The following SPAST variants were observed in gnomAD, a reference collection of about 807,000 sequenced individuals.
SPAST encodes spastic paraplegia 4 (autosomal dominant; spastin).
A neutral mutation model predicts 76.6 loss-of-function variants in SPAST; 30 were observed. The ratio of observed to expected loss-of-function variants is 0.39; its 90% CI spans 0.29 to 0.53. The LOEUF (loss-of-function observed/expected upper bound fraction) is 0.53, where lower values mean the gene tolerates loss of function less well. Among genes scored for constraint, SPAST ranks in the 20% least tolerant of loss-of-function variants. The pLI, the probability that SPAST is intolerant of heterozygous loss-of-function variation, is 0.68. For missense variants in SPAST, 717 were observed against 770.5 expected (o/e 0.93, Z 0.82); for synonymous variants, 305 against 281.0 (o/e 1.09, Z -0.86).
chr2:32,094,312 G>C (rs1230770224), intron 3 of SPAST, among the ~76,000 whole-genome samples: 3 of 151,924 alleles, frequency 2.0e-5, no homozygotes, highest in African/African-American at 4.8e-5. Flanking sequence ...TCTGCCTCCC[G>C]GGTTCAAGCG....
At position 32,098,348 on chromosome 2, in the gene SPAST, A is replaced by G. The variant is rs147517340; in HGVS notation, c.587-448A>G. Reference sequence around the variant, plus strand: ...ATAGTGGTGTCTGTATGTAGTGTCAACTACTCAGGAGACTGAGGCAGAAGG... The same window carrying G: ...ATAGTGGTGTCTGTATGTAGTGTCAGCTACTCAGGAGACTGAGGCAGAAGG... On this transcript the variant is annotated intron_variant, in intron 3 of 16. Transcript: ENST00000315285. 8.5e-5 allele frequency among the ~76,000 whole-genome samples: 13 copies of G among 152,228 alleles called. No individual in the cohort carries two copies. In the East Asian group the frequency reaches 1.9e-3, roughly 23 times the overall value.
intron 7 of SPAST, among the ~76,000 whole-genome samples, chr2:32,120,906 C>T (rs1320095714): frequency 6.6e-6 from 1 of 152,052 alleles, no homozygotes; most frequent in Non-Finnish European, 1.5e-5. Flanking sequence ...GACTGGATGT[C>T]AAGATTTAAG....
chr2:32,142,700 A>G (rs902261725), intron 13 of SPAST, among the ~76,000 whole-genome samples: 1 of 152,146 alleles, frequency 6.6e-6, no homozygotes. Flanking sequence ...CCGGCCAGAA[A>G]TCGAAAATTT....
At chr2:32,091,245 C>CTATTATTAT (rs139735937) in intron 3 of SPAST, among the ~76,000 whole-genome samples, 47 of 126,892 alleles carry the variant, frequency 3.7e-4, no homozygotes, top group East Asian at 7.3e-4. Context: ...TAATATGAAG[C>CTATTATTAT]TATTATTATT....
At chr2:32,145,740 T>A (rs1679864415) in intron 15 of SPAST, among the ~76,000 whole-genome samples, 1 of 152,196 alleles carries the variant, frequency 6.6e-6, no homozygotes, top group Non-Finnish European at 1.5e-5. Context: ...CACGACCAAT[T>A]CTTTTTAGGT....
At chr2:32,066,646 C>A (rs1421754858) in intron 1 of SPAST, among the ~76,000 whole-genome samples, 1 of 150,790 alleles carries the variant, frequency 6.6e-6, no homozygotes, top group African/African-American at 2.4e-5. Context: ...CCAGCCTGGG[C>A]GGCAGAGCAA....
chr2:32,091,956 C>T (rs575161008), intron 3 of SPAST, among the ~76,000 whole-genome samples: 1 of 152,082 alleles, frequency 6.6e-6, no homozygotes, highest in East Asian at 1.9e-4. Flanking sequence ...ATATTTTTGA[C>T]CATTGAATTA....
chr2:32,066,013 A>C (rs1183463386), intron 1 of SPAST: 1 of 140,870 alleles, frequency 7.1e-6, no homozygotes, highest in Non-Finnish European at 1.5e-5. Context: ...TCCCTGTGTC[A>C]CCCAGACTGG....
At chr2:32,135,330 C>T (rs1487296134) in intron 9 of SPAST, among the ~76,000 whole-genome samples, 5 of 151,522 alleles carry the variant, frequency 3.3e-5, no homozygotes, top group East Asian at 2.0e-4. Context: ...GAGGTTTCAC[C>T]GTGTTAGCCA....
chr2:32,073,606 G>A (rs1676838100), intron 1 of SPAST, among the ~76,000 whole-genome samples: 1 of 152,124 alleles, frequency 6.6e-6, no homozygotes, highest in Non-Finnish European at 1.5e-5. Flanking sequence ...GGAGATTACA[G>A]GCATGAGCCA....
chr2:32,154,248 GAATA>G (rs1276663622), intron 16 of SPAST, 122 bp from the exon 17 acceptor site: 8 of 780,820 alleles, frequency 1.0e-5, no homozygotes, highest in Non-Finnish European at 1.7e-5. Context: ...AATTTTCTAA[GAATA>G]CATACACGTA....
In SPAST at chr2:32,114,713, T is replaced by C. The variant is rs199795380; in HGVS notation, c.758T>C (p.Met253Thr). The C allele has an allele frequency of 1.1e-5, 17 of 1,614,016 alleles. No individual in the cohort carries two copies. The African/African-American group carries it at 1.5e-4, about 14-fold the overall frequency. The change falls in exon 5 of 17, where the codon ATG (methionine) becomes ACG (threonine). Residue 253 changes from methionine to threonine, a missense_variant. Physicochemically the swap from Met to Thr is moderately conservative, Grantham distance 81. Coordinates refer to ENST00000315285, the MANE Select transcript of SPAST (RefSeq NM_014946.4). ...TCACTGCCTCGTTCAAAAACAGTTA[T>C]GAAAACTGGATCTGCAGGCCTTTCA... ...SNSLPRSKTV[M>T]KTGSAGLSGH...
At chr2:32,095,101 C>T (rs1573082063) in intron 3 of SPAST, among the ~76,000 whole-genome samples, 1 of 152,264 alleles carries the variant, frequency 6.6e-6, no homozygotes, top group South Asian at 2.1e-4. Flanking sequence ...GACACTGTTA[C>T]AGTAATCTAG....
rs754085531 is a variant in SPAST, at chr2:32,064,018, C to T, written c.187C>T (p.Leu63=). ...CTACCCGCTGTTTGTAGGCTTCGCGCTGCTGCGTTTGGTCGCCTTCCACCT... is the reference window on the plus strand; with the variant it reads ...CTACCCGCTGTTTGTAGGCTTCGCGTTGCTGCGTTTGGTCGCCTTCCACCT... ...FSYPLFVGFA[L]LRLVAFHLGL... The change falls in exon 1 of 17, where the codon CTG becomes TTG. Residue 63 remains leucine (L), a synonymous_variant. Transcript: ENST00000315285. 3 of 1,613,514 alleles carry T rather than the reference C, an allele frequency of 1.9e-6. No homozygotes were observed. The highest frequency in any genetic ancestry group is 2.5e-6 in the Non-Finnish European group (3 of 1,179,600).
intron 8 of SPAST, chr2:32,127,259 A>G (rs1679227027): frequency 3.9e-6 from 2 of 506,432 alleles, no homozygotes; most frequent in Non-Finnish European, 7.1e-6. Flanking sequence ...CTGGGATTAC[A>G]GGCACACGCC....
intron 4 of SPAST, among the ~76,000 whole-genome samples, chr2:32,108,049 A>G (rs965640229): frequency 2.0e-5 from 3 of 151,990 alleles, no homozygotes; most frequent in African/African-American, 4.8e-5. Flanking sequence ...CTTACTCAAG[A>G]AAAAAAAGCA....
intron 3 of SPAST, among the ~76,000 whole-genome samples, chr2:32,090,946 G>C (rs1384510715): frequency 6.6e-6 from 1 of 152,114 alleles, no homozygotes; most frequent in East Asian, 1.9e-4. Context: ...AGTTAACTAT[G>C]ACTGATGTCC....
chr2:32,128,186 G>A, intron 8 of SPAST: 1 of 473,388 alleles, frequency 2.1e-6, no homozygotes. Context: ...TTAGAGATGG[G>A]ATTTCACCAT....
At chr2:32,086,711 T>C (rs993667921) in intron 1 of SPAST, among the ~76,000 whole-genome samples, 1 of 151,684 alleles carries the variant, frequency 6.6e-6, no homozygotes, top group African/African-American at 2.4e-5. Context: ...TGAGCCGAGA[T>C]TGCACCACTG....
Sources: gnomAD v4.1 joint callset for allele counts (sites outside exome capture counted in the v4.1 genomes callset) on GRCh38, gnomAD v4.1.1 for gene constraint, MANE v1.5 for transcripts, NCBI Gene and HGNC (gene_info 2026-07-23, HGNC 2026-07-21) for gene names.